Variants in FRMPD4 observed in about 807,000 individuals in gnomAD.
The protein encoded by FRMPD4 is FERM and PDZ domain-containing protein 4.
FRMPD4 carries 22 observed loss-of-function variants against 94.1 expected under a neutral mutation model. That is an observed-to-expected ratio of 0.23 (90% confidence interval 0.17 to 0.33). The LOEUF (loss-of-function observed/expected upper bound fraction) is 0.33. Ranked by LOEUF, FRMPD4 falls within the 10% of genes least tolerant of loss-of-function variation. The pLI is 1.00. For missense variants in FRMPD4, 1,111 were observed against 1,339.9 expected, an observed-to-expected ratio of 0.83 and a Z score of 2.67; for synonymous variants, 631 against 548.6, an observed-to-expected ratio of 1.15 and a Z score of -2.10.
chrX:12,034,106 G>A (rs1197611564), intron 3 of FRMPD4, among the ~76,000 whole-genome samples: 1 of 112,403 alleles, frequency 8.9e-6, no homozygotes, highest in African/African-American at 3.2e-5. Flanking sequence ...ATAAGATGAG[G>A]AGACTATGCA....
At chrX:11,892,754 T>G (rs2053882184) in intron 3 of FRMPD4, among the ~76,000 whole-genome samples, 1 of 111,962 alleles carries the variant, frequency 8.9e-6, no homozygotes, top group South Asian at 3.8e-4. Flanking sequence ...AATAGATTGC[T>G]CTCTTGTCCC....
chrX:12,385,344 A>G (rs182998445), intron 1 of FRMPD4, among the ~76,000 whole-genome samples: 1 of 112,600 alleles, frequency 8.9e-6, no homozygotes, highest in African/African-American at 3.2e-5. Context: ...CAGTTTAAAG[A>G]GCACACTAAG....
intron 1 of FRMPD4, among the ~76,000 whole-genome samples, chrX:12,397,262 T>A (rs747934213): frequency 4.0e-3 from 421 of 105,003 alleles, no homozygotes; most frequent in African/African-American, 0.011. Context: ...AACTTTTTTT[T>A]AAAAAAAAAA....
At chrX:11,981,808 T>C (rs2054398966) in intron 3 of FRMPD4, among the ~76,000 whole-genome samples, 1 of 111,839 alleles carries the variant, frequency 8.9e-6, no homozygotes, top group South Asian at 3.7e-4. Flanking sequence ...GAATTATATC[T>C]ATTTTGACTG....
chrX:12,443,676 A>T (rs1373755475), intron 1 of FRMPD4, among the ~76,000 whole-genome samples: 1 of 111,896 alleles, frequency 8.9e-6, no homozygotes, highest in Admixed American at 9.5e-5. Context: ...AGAAGTGGAA[A>T]CAAATGAAAA....
At chrX:12,675,147 A>G (rs1340006733) in intron 5 of FRMPD4, among the ~76,000 whole-genome samples, 1 of 112,368 alleles carries the variant, frequency 8.9e-6, no homozygotes, top group East Asian at 2.8e-4. Context: ...CAGCTATTCC[A>G]GTCCTATGCA....
At chrX:12,220,367 A>G (rs1434093496) in intron 1 of FRMPD4, among the ~76,000 whole-genome samples, 1 of 111,972 alleles carries the variant, frequency 8.9e-6, no homozygotes, top group Non-Finnish European at 1.9e-5. Context: ...AGATATATGT[A>G]CAACCGTGAG....
intron 1 of FRMPD4, among the ~76,000 whole-genome samples, chrX:12,384,821 C>T (rs917518674): frequency 2.7e-5 from 3 of 112,256 alleles, no homozygotes; most frequent in Non-Finnish European, 5.6e-5. Context: ...CAGAGTTTTA[C>T]GTATATTGAG....
intron 5 of FRMPD4, among the ~76,000 whole-genome samples, chrX:12,675,424 T>TAA (rs61184913): frequency 1.1e-5 from 1 of 89,808 alleles, no homozygotes; most frequent in African/African-American, 3.9e-5. Flanking sequence ...TCTTGTGATT[T>TAA]AAAAAAAAAA....
At position 12,583,354 on chromosome X, in the gene FRMPD4, AGCCCCAG is replaced by A. The variant is rs752283489; in HGVS notation, c.159-26363_159-26357del. The A allele has an allele frequency of 1.1e-3, 709 of 672,673 alleles. 6 individuals carry two copies. In the South Asian group the frequency reaches 0.016, roughly 16 times the overall value. The allele number at this position is 672,673 out of a possible 1,213,427, so 55.4% of individuals were successfully genotyped here. On this transcript the variant is annotated intron_variant, in intron 2 of 16. Coordinates refer to ENST00000675598, the MANE Select transcript of FRMPD4 (RefSeq NM_001368397.1). ...TTGTCTTTTGGGGGAAAGGGATGAG[AGCCCCAG>A]GCCGGCTGAGACGGCCGGTCCAGGG...
Position 12,501,442 on chromosome X carries a change from GT to G in FRMPD4, c.158+2660del, listed in dbSNP as rs147454207. On this transcript the variant is annotated intron_variant, in intron 2 of 16. Coordinates refer to ENST00000675598, the MANE Select transcript of FRMPD4 (RefSeq NM_001368397.1). The stretch of plus-strand genomic sequence containing the variant: ...TGACAATCATTCTTTTCCTTTCCTT[GT>G]TTTTTTTTTTTTTACTTACTAGGTA... Among the ~76,000 whole-genome samples the G allele has an allele frequency of 3.3e-3, 313 of 94,099 alleles. 1 individual carries two copies. The highest frequency in any genetic ancestry group is 9.4e-3 in the African/African-American group (239 of 25,514). 81.7% of individuals were successfully genotyped at this position (94,099 alleles called of 115,157 possible).
At chrX:12,046,830 T>C (rs937936981) in intron 3 of FRMPD4, among the ~76,000 whole-genome samples, 1 of 111,229 alleles carries the variant, frequency 9.0e-6, no homozygotes, top group African/African-American at 3.3e-5. Context: ...ACAGGCATGA[T>C]TGATGAAACC....
chrX:11,825,238 G>GT (rs2053435955), intron 1 of FRMPD4, among the ~76,000 whole-genome samples: 2 of 93,044 alleles, frequency 2.1e-5, no homozygotes, highest in South Asian at 1.0e-3. Flanking sequence ...GTGTGTGTGT[G>GT]GTCTCTTCAC....
At chrX:12,313,225 T>C (rs2055062960) in intron 1 of FRMPD4, among the ~76,000 whole-genome samples, 2 of 112,063 alleles carry the variant, frequency 1.8e-5, no homozygotes, top group Non-Finnish European at 3.8e-5. Context: ...TTAGTGATCT[T>C]TGTGTCATTA....
At chrX:12,642,686 G>A (rs2059511076) in intron 4 of FRMPD4, among the ~76,000 whole-genome samples, 1 of 112,803 alleles carries the variant, frequency 8.9e-6, no homozygotes, top group South Asian at 3.7e-4. Context: ...TGGATTACTT[G>A]AGCCCAGGAA....
intron 1 of FRMPD4, among the ~76,000 whole-genome samples, chrX:12,253,933 T>G (rs2054080384): frequency 9.0e-6 from 1 of 111,332 alleles, no homozygotes; most frequent in Non-Finnish European, 1.9e-5. Flanking sequence ...TTTTTCCTTT[T>G]TCCTCTCTCT....
At chrX:12,592,291 G>A (rs190634420) in intron 2 of FRMPD4, among the ~76,000 whole-genome samples, 182 of 111,434 alleles carry the variant, frequency 1.6e-3, no homozygotes, top group African/African-American at 5.5e-3. Flanking sequence ...GTATTCCCTG[G>A]GTCTTTGGGT....
intron 1 of FRMPD4, among the ~76,000 whole-genome samples, chrX:12,368,364 C>T (rs2056114313): frequency 8.9e-6 from 1 of 112,050 alleles, no homozygotes; most frequent in Non-Finnish European, 1.9e-5. Context: ...TAATGTACCA[C>T]CAAAGTTAGA....
At chrX:12,397,532 G>A (rs1569260507) in intron 1 of FRMPD4, among the ~76,000 whole-genome samples, 1 of 112,044 alleles carries the variant, frequency 8.9e-6, no homozygotes. Context: ...TTTTATTGTA[G>A]CGAGGATGTG....
Sources: allele counts gnomAD v4.1 joint callset (sites outside exome capture counted in the v4.1 genomes callset), GRCh38; gene constraint gnomAD v4.1.1; transcripts MANE v1.5; gene names NCBI Gene and HGNC (gene_info 2026-07-23, HGNC 2026-07-21).